The following TBC1D22B variants were observed in gnomAD, a reference collection of about 807,000 sequenced individuals.
TBC1D22B encodes the protein chromosome 6 open reading frame 197.
In TBC1D22B, 32 loss-of-function variants were observed where a neutral mutation model predicts 69.1. The observed-to-expected ratio is 0.46, with a 90% confidence interval of 0.35 to 0.62. The LOEUF is 0.62. TBC1D22B is among the 20% of genes least tolerant of loss of function. The pLI is 0.00. For synonymous variants in TBC1D22B, 206 were observed against 229.8 expected, an observed-to-expected ratio of 0.90 and a Z score of 0.94; for missense variants, 462 against 630.9, an observed-to-expected ratio of 0.73 and a Z score of 2.87.
intron 2 of TBC1D22B, 75 bp downstream of exon 2, chr6:37,269,725 A>G (rs752359174): frequency 2.2e-5 from 31 of 1,406,932 alleles, no homozygotes; most frequent in African/African-American, 4.2e-5. Flanking sequence ...TTGAAATGAC[A>G]GTTTCCACCT....
rs756459599 is a variant in TBC1D22B, at chr6:37,285,315, C to CTTTTTTTTTTTTTTTTTTT, written c.801+860_801+878dup. Among the ~76,000 whole-genome samples, 13 of 73,562 alleles carry CTTTTTTTTTTTTTTTTTTT rather than the reference C, an allele frequency of 1.8e-4. 3 individuals carry two copies. The highest frequency in any genetic ancestry group is 7.7e-4 in the African/African-American group (13 of 16,858). The allele number at this position is 73,562 out of a possible 152,430, so 48.3% of individuals were successfully genotyped here. On this transcript the variant is annotated intron_variant, in intron 6 of 12. Transcript: ENST00000373491. ...GCCAACTCCTTTTGGTCCTTCCCCA[C>CTTTTTTTTTTTTTTTTTTT]TTTTTTTTTTTTTTTTTTTTTTTTT...
At chr6:37,290,192 T>C (rs1767132006) in intron 7 of TBC1D22B, among the ~76,000 whole-genome samples, 1 of 152,162 alleles carries the variant, frequency 6.6e-6, no homozygotes, top group Admixed American at 6.5e-5. Flanking sequence ...TGAGAGGGCC[T>C]CTTCAATCTG....
rs1308314537 is a variant in TBC1D22B at position 37,316,546 on chromosome 6, A to C, written c.1166-157A>C. On this transcript the variant is annotated intron_variant, in intron 10 of 12. Transcript: ENST00000373491. The stretch of plus-strand genomic sequence containing the variant: ...TGCAGTGTTGCTGTGAGATGATGGA[A>C]TCAAACATAAAGGACAGTCAGATGG... 2.0e-5 allele frequency among the ~76,000 whole-genome samples: 3 copies of C among 152,294 alleles called. No homozygotes were observed. In the East Asian group the frequency reaches 5.8e-4, roughly 29 times the overall value.
chr6:37,314,312 T>C (rs933446497), intron 10 of TBC1D22B, among the ~76,000 whole-genome samples: 2 of 152,194 alleles, frequency 1.3e-5, no homozygotes, highest in Non-Finnish European at 2.9e-5. Flanking sequence ...AAGCCTCCCA[T>C]AGCTCTCCAT....
chr6:37,313,559 T>G (rs149706), intron 9 of TBC1D22B, among the ~76,000 whole-genome samples: 128,683 of 151,754 alleles, frequency 0.85, 54,723 homozygotes, highest in South Asian at 0.91. Flanking sequence ...CATGTTGCCT[T>G]GACTTCGTCT....
Position 37,316,553 on chromosome 6 carries a change from A to C in TBC1D22B, c.1166-150A>C, listed in dbSNP as rs889061296. 6.3e-6 allele frequency: 5 copies of C among 797,310 alleles called. No individual in the cohort carries two copies. In the African/African-American group the frequency reaches 8.5e-5, roughly 14 times the overall value. 49.4% of individuals were successfully genotyped at this position (797,310 alleles called of 1,614,324 possible). ...TTGCTGTGAGATGATGGAATCAAACATAAAGGACAGTCAGATGGCTGTCTG... is the reference window on the plus strand; with the variant it reads ...TTGCTGTGAGATGATGGAATCAAACCTAAAGGACAGTCAGATGGCTGTCTG... On this transcript the variant is annotated intron_variant, in intron 10 of 12. Coordinates refer to ENST00000373491, the MANE Select transcript of TBC1D22B (RefSeq NM_017772.4).
chr6:37,270,118 A>G (rs1393678797), intron 2 of TBC1D22B, among the ~76,000 whole-genome samples: 3 of 152,166 alleles, frequency 2.0e-5, no homozygotes, highest in Non-Finnish European at 2.9e-5. Flanking sequence ...TTTCCCTTTG[A>G]CACACTCAAA....
chr6:37,316,759 C>A lies in TBC1D22B; in HGVS notation c.1222C>A (p.Arg408Ser). The stretch of plus-strand genomic sequence containing the variant: ...GGTAGAATACCTGCAGTTTGCCTTC[C>A]GCTGGATGAACAACCTGCTTATGCG... ...YEVEYLQFAF[R>S]WMNNLLMREL... Residue 408 changes from arginine to serine, a missense_variant, in exon 11 of 13, where the codon CGC becomes AGC. This residue lies in a region of TBC1D22B where 225 missense variants were observed against 375.4 expected (regional missense o/e 0.60). Coordinates refer to ENST00000373491, the MANE Select transcript of TBC1D22B (RefSeq NM_017772.4). 1 of 1,614,186 alleles carries A rather than the reference C, an allele frequency of 6.2e-7. No individual in the cohort carries two copies. Among genetic ancestry groups the A allele is most frequent in the Non-Finnish European group, 8.5e-7 (1 of 1,180,032 alleles).
chr6:37,280,388 A>G (rs1766786498), intron 3 of TBC1D22B, among the ~76,000 whole-genome samples: 1 of 152,250 alleles, frequency 6.6e-6, no homozygotes, highest in Non-Finnish European at 1.5e-5. Flanking sequence ...GTAGAAGAAC[A>G]TCAGAGCCCT....
intron 10 of TBC1D22B, among the ~76,000 whole-genome samples, chr6:37,314,192 G>A (rs1186738647): frequency 6.6e-6 from 1 of 152,170 alleles, no homozygotes; most frequent in Non-Finnish European, 1.5e-5. Flanking sequence ...CTCTGGTCCA[G>A]CTTCCTCCTC....
In TBC1D22B at chr6:37,298,085, T is replaced by A. The variant is rs1197484279; in HGVS notation, c.982+6728T>A. On this transcript the variant is annotated intron_variant, in intron 8 of 12. Transcript: ENST00000373491. The stretch of plus-strand genomic sequence containing the variant: ...AGGGGAGAGATAGCATTAGGAGAAA[T>A]ACGTAATGTAAATGACAGGTTGATG... Among the ~76,000 whole-genome samples the A allele has an allele frequency of 3.3e-5, 5 of 152,026 alleles. No homozygotes were observed. The East Asian group carries it at 7.7e-4, about 23-fold the overall frequency.
chr6:37,316,103 T>G (rs1052859839), intron 10 of TBC1D22B, among the ~76,000 whole-genome samples: 2 of 152,140 alleles, frequency 1.3e-5, no homozygotes, highest in African/African-American at 4.8e-5. Context: ...GCAATCAGGT[T>G]TGTTTGGGCT....
intron 12 of TBC1D22B, among the ~76,000 whole-genome samples, chr6:37,325,984 G>T (rs1015535083): frequency 6.6e-6 from 1 of 152,196 alleles, no homozygotes; most frequent in Admixed American, 6.5e-5. Context: ...CTTGGGGGAA[G>T]TGGGGACATT....
At chr6:37,267,502 C>CACA (rs1562039808) in intron 1 of TBC1D22B, among the ~76,000 whole-genome samples, 12 of 3,372 alleles carry the variant, frequency 3.6e-3, no homozygotes, top group African/African-American at 7.0e-3. Context: ...TATATATACA[C>CACA]TATATATATA....
intron 2 of TBC1D22B, among the ~76,000 whole-genome samples, chr6:37,270,214 G>A (rs1013697223): frequency 6.6e-6 from 1 of 152,178 alleles, no homozygotes; most frequent in Admixed American, 6.5e-5. Flanking sequence ...CACTTTGGGA[G>A]GCTGAGGCAG....
chr6:37,328,543 A>G (rs1024516249), intron 12 of TBC1D22B, among the ~76,000 whole-genome samples: 1 of 152,232 alleles, frequency 6.6e-6, no homozygotes, highest in African/African-American at 2.4e-5. Flanking sequence ...AAATATCTAC[A>G]AGGAATTTTT....
chr6:37,322,607 A>G (rs1052253047), intron 12 of TBC1D22B, among the ~76,000 whole-genome samples: 1 of 152,242 alleles, frequency 6.6e-6, no homozygotes, highest in Non-Finnish European at 1.5e-5. Context: ...TGCTATCCCC[A>G]TAGGTGTTTG....
chr6:37,288,595 C>T lies in TBC1D22B; in HGVS notation c.867+1523C>T, dbSNP rs1767080439. On this transcript the variant is annotated intron_variant, in intron 7 of 12. Transcript: ENST00000373491. ...CAAAAAAATTACAGAATTAGCCAGG[C>T]ATGGTGGTGTGTGCCTGTGCTACTG... 3.3e-5 allele frequency among the ~76,000 whole-genome samples: 5 copies of T among 151,990 alleles called. No individual in the cohort carries two copies. In the South Asian group the frequency reaches 1.0e-3, roughly 32 times the overall value.
intron 12 of TBC1D22B, chr6:37,324,301 A>G (rs1206457324): frequency 8.8e-6 from 4 of 456,636 alleles, no homozygotes; most frequent in Non-Finnish European, 1.8e-5. Flanking sequence ...CTTAGTCACC[A>G]GCTGGGTCAC....
Sources: allele counts gnomAD v4.1 joint callset (sites outside exome capture counted in the v4.1 genomes callset), GRCh38; gene constraint gnomAD v4.1.1; regional missense constraint gnomAD v4.1.1; transcripts MANE v1.5; gene names NCBI Gene and HGNC (gene_info 2026-07-23, HGNC 2026-07-21).